Variants in DNAH5 observed in about 807,000 individuals in gnomAD.
DNAH5 encodes dynein axonemal heavy chain 5.
Under a neutral mutation model 518.2 loss-of-function variants are expected in DNAH5, and 372 were observed. The observed-to-expected ratio is 0.72, with a 90% CI of 0.66 to 0.78. The LOEUF is 0.78. Ranked by LOEUF, DNAH5 falls within the 30% of genes least tolerant of loss-of-function variation. DNAH5 has a pLI of 0.00. For synonymous variants in DNAH5, 2,039 were observed against 2,025.9 expected, an observed-to-expected ratio of 1.01 and a Z score of -0.17; for missense variants, 5,523 against 5,687.0, an observed-to-expected ratio of 0.97 and a Z score of 0.93.
intron 42 of DNAH5, 40 bp from the exon 43 acceptor site, chr5:13,814,886 C>T (rs1761246885): frequency 6.2e-6 from 10 of 1,600,898 alleles, no homozygotes; most frequent in African/African-American, 2.7e-5. Context: ...AATACATACA[C>T]TCATGCAGTG....
intron 1 of DNAH5, among the ~76,000 whole-genome samples, chr5:13,972,692 A>G (rs1444050770): frequency 1.3e-5 from 2 of 152,092 alleles, no homozygotes; most frequent in African/African-American, 2.4e-5. Context: ...CAGCTGTCTC[A>G]TGGGGCCGGC....
chr5:13,814,079 G>A (rs1306358288), intron 43 of DNAH5, among the ~76,000 whole-genome samples: 5 of 151,842 alleles, frequency 3.3e-5, no homozygotes, highest in African/African-American at 1.2e-4. Context: ...TATATTGCTG[G>A]TAATAAAATA....
At chr5:13,942,652 G>C (rs1260148024) in intron 1 of DNAH5, among the ~76,000 whole-genome samples, 1 of 152,052 alleles carries the variant, frequency 6.6e-6, no homozygotes, top group Non-Finnish European at 1.5e-5. Flanking sequence ...CCCACGTGCT[G>C]TCTCATCCCC....
intron 78 of DNAH5, among the ~76,000 whole-genome samples, chr5:13,699,249 T>C (rs1741759222): frequency 6.6e-6 from 1 of 152,196 alleles, no homozygotes. Flanking sequence ...TCTGAGCACC[T>C]CTTTTGTAAC....
upstream of DNAH5, among the ~76,000 whole-genome samples, chr5:13,948,873 A>C (rs1560992153): frequency 6.6e-6 from 1 of 152,222 alleles, no homozygotes; most frequent in Non-Finnish European, 1.5e-5. Flanking sequence ...GTGGTCACCC[A>C]AACAACCTAA....
At chr5:13,876,854 T>C in intron 21 of DNAH5, 37 bp from the exon 22 acceptor site, 1 of 1,601,246 alleles carries the variant, frequency 6.2e-7, no homozygotes, top group Non-Finnish European at 8.5e-7. Flanking sequence ...TTTACACTAC[T>C]CACACAAGAA....
At chr5:13,828,687 C>T (rs1310499186) in intron 38 of DNAH5, among the ~76,000 whole-genome samples, 6 of 152,204 alleles carry the variant, frequency 3.9e-5, no homozygotes, top group Non-Finnish European at 8.8e-5. Flanking sequence ...TATGCACAGC[C>T]TGTAGGAACT....
At chr5:13,937,164 C>G (rs1778998404) in intron 1 of DNAH5, among the ~76,000 whole-genome samples, 1 of 151,558 alleles carries the variant, frequency 6.6e-6, no homozygotes, top group Non-Finnish European at 1.5e-5. Context: ...CAGGACCAGA[C>G]CAAGACATAG....
intron 1 of DNAH5, among the ~76,000 whole-genome samples, chr5:13,971,242 T>C (rs1781845315): frequency 6.6e-6 from 1 of 152,224 alleles, no homozygotes; most frequent in Admixed American, 6.5e-5. Context: ...TGAGTAGCTT[T>C]ATAATTGATC....
chr5:13,845,334 T>C (rs1417182748), intron 31 of DNAH5, among the ~76,000 whole-genome samples: 1 of 55,556 alleles, frequency 1.8e-5, no homozygotes, highest in South Asian at 4.8e-4. Flanking sequence ...ATAAAAACAC[T>C]ATGTAGAGAG....
At chr5:13,751,392 T>C in intron 64 of DNAH5, 132 bp from the exon 65 acceptor site, 1 of 875,414 alleles carries the variant, frequency 1.1e-6, no homozygotes, top group South Asian at 1.6e-5. Context: ...AAAGAAATGG[T>C]CATGAGGCGT....
chr5:13,896,151 G>T (rs1468459838), intron 15 of DNAH5, among the ~76,000 whole-genome samples: 11 of 151,944 alleles, frequency 7.2e-5, no homozygotes. Flanking sequence ...CAGCAAAAAT[G>T]ATCCTTTCAA....
chr5:13,713,468 C>T (rs1827410), intron 75 of DNAH5, among the ~76,000 whole-genome samples: 27,468 of 80,542 alleles, frequency 0.34, 4,552 homozygotes, highest in Non-Finnish European at 0.38. Context: ...TATATATATA[C>T]ACACACCGAT....
intron 1 of DNAH5, among the ~76,000 whole-genome samples, chr5:13,988,954 C>T (rs1381783678): frequency 3.9e-5 from 6 of 152,028 alleles, no homozygotes. Flanking sequence ...GTCTCAAACT[C>T]CTGACCTTGT....
intron 25 of DNAH5, 90 bp downstream of exon 25, chr5:13,867,684 G>T (rs1769472571): frequency 3.8e-6 from 4 of 1,063,348 alleles, no homozygotes; most frequent in Non-Finnish European, 5.9e-6. Context: ...AAGTTTCACA[G>T]AAATTTACCC....
Position 13,769,143 on chromosome 5 carries a change from CA to C in DNAH5, c.9721-8del, listed in dbSNP as rs560450857. The C allele has an allele frequency of 1.2e-4, 190 of 1,613,506 alleles. No homozygotes were observed. The African/African-American group carries it at 1.9e-3, about 16-fold the overall frequency. Reference sequence around the variant, plus strand: ...TTGTCACTTCTTTTAAGACCTAATTCAATATAAAGCAAGCAATACTTCACCA... The same window carrying C: ...TTGTCACTTCTTTTAAGACCTAATTCATATAAAGCAAGCAATACTTCACCA... On this transcript the variant is annotated splice_polypyrimidine_tract_variant and splice_region_variant and intron_variant, in intron 57 of 78. Coordinates refer to ENST00000265104, the MANE Select transcript of DNAH5 (RefSeq NM_001369.3).
At chr5:13,963,578 AAAAT>A (rs148032042) in intron 1 of DNAH5, among the ~76,000 whole-genome samples, 63,551 of 150,350 alleles carry the variant, frequency 0.42, 13,716 homozygotes, top group South Asian at 0.48. Context: ...ACTCTATCTC[AAAAT>A]AAATAAATAA....
chr5:13,925,468 T>C (rs1161962644), intron 3 of DNAH5, among the ~76,000 whole-genome samples: 1 of 152,092 alleles, frequency 6.6e-6, no homozygotes, highest in South Asian at 2.1e-4. Flanking sequence ...CTGGGCAACT[T>C]ACAAAAGAAA....
At chr5:13,793,100 T>G (rs1160388432) in intron 49 of DNAH5, among the ~76,000 whole-genome samples, 2 of 152,220 alleles carry the variant, frequency 1.3e-5, no homozygotes, top group Non-Finnish European at 2.9e-5. Context: ...TGGGTGCCAT[T>G]ATTTCTTTGG....
Sources: allele counts gnomAD v4.1 joint callset (sites outside exome capture counted in the v4.1 genomes callset), GRCh38; gene constraint gnomAD v4.1.1; transcripts MANE v1.5; gene names NCBI Gene and HGNC (gene_info 2026-07-23, HGNC 2026-07-21).